Variants in GLDN observed in about 807,000 individuals in gnomAD.
GLDN encodes the protein collomin.
Under a neutral mutation model 56.5 loss-of-function variants are expected in GLDN, and 47 were observed. The ratio of observed to expected loss-of-function variants is 0.83; its 90% CI spans 0.66 to 1.06. The LOEUF is 1.06. Ranked by LOEUF, GLDN falls within the 50% of genes least tolerant of loss-of-function variation. The probability of loss-of-function intolerance (pLI) is 0.00; values close to 1 mark genes in which losing one functional copy is unlikely to be tolerated. For missense variants in GLDN, 782 were observed against 714.3 expected (o/e 1.09, Z -1.08); for synonymous variants, 332 against 278.8 (o/e 1.19, Z -1.90).
rs180899919 is a variant in GLDN at position 51,394,569 on chromosome 15, C to T, written c.542-266C>T. Among the ~76,000 whole-genome samples the T allele has an allele frequency of 6.6e-5, 10 of 152,138 alleles. No individual in the cohort carries two copies. In the East Asian group the frequency reaches 1.4e-3, roughly 21 times the overall value. ...CAGAGGTTGCAGTGAGCCGAGATCG[C>T]GCTACTGCACACCAGCCTGGGTGAC... is the stretch of plus-strand genomic sequence containing the variant. On this transcript the variant is annotated intron_variant, in intron 4 of 9. Coordinates refer to ENST00000335449, the MANE Select transcript of GLDN (RefSeq NM_181789.4).
chr15:51,342,453 G>A (rs529147296), intron 1 of GLDN, among the ~76,000 whole-genome samples: 17 of 152,348 alleles, frequency 1.1e-4, no homozygotes, highest in African/African-American at 4.1e-4. Context: ...GGATGGAGGC[G>A]CGTTTCTGAA....
chr15:51,384,092 T>C (rs1313431007), intron 4 of GLDN, 200 bp downstream of exon 4: 1 of 624,272 alleles, frequency 1.6e-6, no homozygotes, highest in African/African-American at 1.9e-5. Context: ...AGATGTTTAT[T>C]TCAAACTGGA....
rs147133537 is a variant in GLDN, at chr15:51,355,626, C to T, written c.363+13579C>T. ...TTAACCTCCGCCTCCTGGGTTCAAG[C>T]GATTCTCCTGCCTCAGCCTCCTGAG... is the stretch of plus-strand genomic sequence containing the variant. On this transcript the variant is annotated intron_variant, in intron 1 of 9. Transcript: ENST00000335449. Among the ~76,000 whole-genome samples the T allele has an allele frequency of 4.2e-3, 636 of 150,214 alleles. 4 individuals carry two copies. The highest frequency in any genetic ancestry group is 0.01 in the Middle Eastern group (3 of 288).
chr15:51,349,152 A>G (rs1386614499), intron 1 of GLDN, among the ~76,000 whole-genome samples: 3 of 152,186 alleles, frequency 2.0e-5, no homozygotes, highest in African/African-American at 7.2e-5. Flanking sequence ...ATTATAGCAA[A>G]CAGGTAGCTT....
Position 51,404,344 on chromosome 15 carries a change from T to C in GLDN, c.1246T>C (p.Tyr416His). ...AAATGCCTTGTATTTTGATCGAAAA[T>C]ACCTTTTTGCAAATTCCAAAACTTA... ...LENALYFDRK[Y>H]LFANSKTYFN... is the part of the protein sequence containing the mutation. The change falls in exon 10 of 10, where the codon TAC (tyrosine) becomes CAC (histidine). Residue 416 changes from tyrosine (Y) to histidine (H), a missense_variant. Coordinates refer to ENST00000335449, the MANE Select transcript of GLDN (RefSeq NM_181789.4). 1 of 1,613,482 alleles carries C rather than the reference T, an allele frequency of 6.2e-7. No individual in the cohort carries two copies. Among genetic ancestry groups the C allele is most frequent in the Non-Finnish European group, 8.5e-7 (1 of 1,179,880 alleles).
intron 1 of GLDN, among the ~76,000 whole-genome samples, chr15:51,373,252 C>T (rs2037552382): frequency 6.6e-6 from 1 of 152,106 alleles, no homozygotes; most frequent in Non-Finnish European, 1.5e-5. Flanking sequence ...GGGATTGGGT[C>T]CAGGACACCT....
In GLDN at chr15:51,383,448, C is replaced by A. The variant is rs758517964; in HGVS notation, c.428C>A (p.Pro143Gln). The A allele has an allele frequency of 6.2e-7, 1 of 1,613,976 alleles. No homozygotes were observed. Among genetic ancestry groups the A allele is most frequent in the African/African-American group, 1.3e-5 (1 of 75,026 alleles). ...TTTTCCGTTGTAGGACCTTCTGGAC[C>A]ACCAGGTAAGAGCCCATGGATTTTC... ...KGICLTGPSG[P>Q]PGPPGAGGLP... is the part of the protein sequence containing the mutation. Residue 143 changes from proline to glutamine, a missense_variant, in exon 3 of 10, where the codon CCA becomes CAA. Transcript: ENST00000335449.
chr15:51,366,827 G>C (rs538302492), intron 1 of GLDN, among the ~76,000 whole-genome samples: 1 of 152,150 alleles, frequency 6.6e-6, no homozygotes, highest in Admixed American at 6.5e-5. Flanking sequence ...TAGCCTGGGA[G>C]GTCGGGGCTG....
At chr15:51,371,197 A>T (rs1425076606) in intron 1 of GLDN, among the ~76,000 whole-genome samples, 1 of 152,198 alleles carries the variant, frequency 6.6e-6, no homozygotes, top group Admixed American at 6.5e-5. Context: ...TCGTCACTTA[A>T]CACCATGCCA....
intron 1 of GLDN, among the ~76,000 whole-genome samples, chr15:51,356,071 G>T (rs542747379): frequency 2.0e-5 from 3 of 151,668 alleles, no homozygotes; most frequent in Non-Finnish European, 2.9e-5. Context: ...GCCGGGCGTG[G>T]TGGTGCGTGC....
Position 51,383,902 on chromosome 15 carries a change from G to A in GLDN, c.541+10G>A, listed in dbSNP as rs564589479. On this transcript the variant is annotated intron_variant, in intron 4 of 9. Coordinates refer to ENST00000335449, the MANE Select transcript of GLDN (RefSeq NM_181789.4). ...AAAAGAGGAAAAATGGGTATTTTTGGCAACTCTTCTAATTAATTTCCCTGT... is the reference window on the plus strand; with the variant it reads ...AAAAGAGGAAAAATGGGTATTTTTGACAACTCTTCTAATTAATTTCCCTGT... 7.1e-6 allele frequency: 11 copies of A among 1,557,188 alleles called. No homozygotes were observed. In the South Asian group the frequency reaches 1.0e-4, roughly 15 times the overall value.
At position 51,404,824 on chromosome 15, in the gene GLDN, C is replaced by T; in HGVS notation, c.*70C>T. 1.3e-6 allele frequency: 1 copy of T among 797,062 alleles called. No homozygotes were observed. The highest frequency in any genetic ancestry group is 2.1e-6 in the Non-Finnish European group (1 of 480,602). The allele number at this position is 797,062 out of a possible 1,614,324, so 49.4% of individuals were successfully genotyped here. ...GGACCAGTTCTCCCCCAACAGGAAA[C>T]TTGTTTTTTTAACGTCAGCCAGATA... On this transcript the variant is annotated 3_prime_UTR_variant, in exon 10 of 10. Coordinates refer to ENST00000335449, the MANE Select transcript of GLDN (RefSeq NM_181789.4).
chr15:51,411,491 G>T (rs2038464638), downstream of GLDN, among the ~76,000 whole-genome samples: 1 of 152,178 alleles, frequency 6.6e-6, no homozygotes, highest in African/African-American at 2.4e-5. Flanking sequence ...ATTCAAAGAT[G>T]GGTTAAATCA....
In GLDN at chr15:51,363,170, G is replaced by C. The variant is rs79906163; in HGVS notation, c.364-14279G>C. ...GTAGCTGCATACTTGGGTCTGGGAGGGGGTGCCAGCTGGAGGCATAGTCAG... is the reference window on the plus strand; with the variant it reads ...GTAGCTGCATACTTGGGTCTGGGAGCGGGTGCCAGCTGGAGGCATAGTCAG... On this transcript the variant is annotated intron_variant, in intron 1 of 9. Coordinates refer to ENST00000335449, the MANE Select transcript of GLDN (RefSeq NM_181789.4). 9.1e-3 allele frequency among the ~76,000 whole-genome samples: 1,385 copies of C among 152,218 alleles called. 28 individuals are homozygous for C. Among genetic ancestry groups the C allele is most frequent in the African/African-American group, 0.032 (1,333 of 41,536 alleles).
At chr15:51,353,863 A>G (rs1345439071) in intron 1 of GLDN, among the ~76,000 whole-genome samples, 1 of 152,084 alleles carries the variant, frequency 6.6e-6, no homozygotes, top group African/African-American at 2.4e-5. Context: ...TTCAAGATTA[A>G]TTTACATGCA....
intron 1 of GLDN, among the ~76,000 whole-genome samples, chr15:51,366,655 G>A (rs746501588): frequency 1.1e-4 from 17 of 152,208 alleles, no homozygotes; most frequent in Non-Finnish European, 2.2e-4. Context: ...GCTCACACCT[G>A]TAATCCCAGG....
intron 1 of GLDN, among the ~76,000 whole-genome samples, chr15:51,363,459 GA>G (rs2037341732): frequency 6.6e-6 from 1 of 152,174 alleles, no homozygotes; most frequent in African/African-American, 2.4e-5. Context: ...ATCTTGGAAA[GA>G]AGCTTAAAAG....
At chr15:51,383,025 A>G (rs1034733813) in intron 2 of GLDN, among the ~76,000 whole-genome samples, 17 of 152,152 alleles carry the variant, frequency 1.1e-4, no homozygotes, top group African/African-American at 4.1e-4. Context: ...AGCTAGCTAG[A>G]TTACAGCACT....
In GLDN at chr15:51,397,488, G is replaced by A. The variant is rs749671919; in HGVS notation, c.707G>A (p.Gly236Asp). 29 of 1,545,944 alleles carry A rather than the reference G, an allele frequency of 1.9e-5. No homozygotes were observed. The Middle Eastern group carries it at 1.4e-3, about 74-fold the overall frequency. The change falls in exon 6 of 10, where the codon GGC becomes GAC. Residue 236 changes from glycine (G) to aspartate (D), a missense_variant. Gly to Asp is a moderately conservative substitution (Grantham distance 94). Transcript: ENST00000335449. ...TCTCCAGGTGCCAAAGGTGACCAAG[G>A]CCCACCCGGTCCACCTGGGCCCCCA... is the stretch of plus-strand genomic sequence containing the variant. The part of the protein sequence containing the change: ...VLLAGAKGDQ[G>D]PPGPPGPPGP...
Sources: allele counts gnomAD v4.1 joint callset (sites outside exome capture counted in the v4.1 genomes callset), GRCh38; gene constraint gnomAD v4.1.1; transcripts MANE v1.5; gene names NCBI Gene and HGNC (gene_info 2026-07-23, HGNC 2026-07-21).